Variants in SETD1A observed in about 807,000 individuals in gnomAD.
SETD1A encodes the protein histone-lysine N-methyltransferase SETD1A.
SETD1A carries 29 observed loss-of-function variants against 149.9 expected under a neutral mutation model. The observed-to-expected ratio is 0.19, with a 90% CI of 0.14 to 0.26. The LOEUF (loss-of-function observed/expected upper bound fraction) is 0.26, where lower values mean the gene tolerates loss of function less well. Among genes scored for constraint, SETD1A ranks in the 10% least tolerant of loss-of-function variants. The probability of loss-of-function intolerance (pLI) is 1.00; values close to 1 mark genes in which losing one functional copy is unlikely to be tolerated. For missense variants in SETD1A, 2,109 were observed against 2,353.1 expected (o/e 0.90, Z 2.15); for synonymous variants, 1,141 against 968.5 (o/e 1.18, Z -3.31).
chr16:30,983,592 A>G lies in SETD1A; in HGVS notation c.4813-43A>G, dbSNP rs2056412056. ...GCTGGCAGGCGTGCTCAGGGGCAGG[A>G]AGTGGGGGACTCTTCCCTGACCATC... On this transcript the variant is annotated intron_variant, in intron 17 of 18. Transcript: ENST00000262519. The surrounding 1 kb of genome is among the most constrained non-coding windows in gnomAD (Gnocchi z 6.8). 6.3e-7 allele frequency: 1 copy of G among 1,592,496 alleles called. No individual in the cohort carries two copies. The highest frequency in any genetic ancestry group is 1.3e-5 in the African/African-American group (1 of 74,656).
rs1440748952 is a variant in SETD1A, at chr16:30,965,586, C to T, written c.1720-15C>T. ...TCAGGCAGAAGCCTTCTGTGACCCT[C>T]TTCTGCCCCCGCAGGCTTCTCCATG... On this transcript the variant is annotated splice_polypyrimidine_tract_variant and intron_variant, in intron 7 of 18. Transcript: ENST00000262519. The T allele has an allele frequency of 9.3e-6, 15 of 1,610,734 alleles. No individual in the cohort carries two copies. Among genetic ancestry groups the T allele is most frequent in the Non-Finnish European group, 1.1e-5 (13 of 1,178,500 alleles).
At chr16:30,981,251 T>C (rs957296939) in intron 17 of SETD1A, 71 bp downstream of exon 17, 1 of 1,587,988 alleles carries the variant, frequency 6.3e-7, no homozygotes, top group African/African-American at 1.3e-5. Flanking sequence ...ACACACATGC[T>C]GTTTGTCCGG....
Position 30,979,978 on chromosome 16 carries a change from G to A in SETD1A, c.4192G>A (p.Ala1398Thr), listed in dbSNP as rs760701759. 25 of 1,511,720 alleles carry A rather than the reference G, an allele frequency of 1.7e-5. No individual in the cohort carries two copies. Among genetic ancestry groups the A allele is most frequent in the African/African-American group, 1.3e-4 (9 of 70,250 alleles). 93.6% of individuals were successfully genotyped at this position (1,511,720 alleles called of 1,614,324 possible). ...ALRRRSLRSH[A>T]RRRRPPPPPP... ...CCGGAGGCGCAGCCTCCGCTCCCACGCCCGGCGCCGCCGCCCTCCGCCCCC... is the reference window on the plus strand; with the variant it reads ...CCGGAGGCGCAGCCTCCGCTCCCACACCCGGCGCCGCCGCCCTCCGCCCCC... Residue 1398 changes from alanine to threonine, a missense_variant, in exon 14 of 19, where the codon GCC becomes ACC. Coordinates refer to ENST00000262519, the MANE Select transcript of SETD1A (RefSeq NM_014712.3).
At position 30,979,377 on chromosome 16, in the gene SETD1A, C is replaced by T. The variant is rs2056331791; in HGVS notation, c.3591C>T (p.Arg1197=). ...PQAKFPGPAS[R]KAPRGVERTI... ...CCAAGTTTCCCGGCCCAGCCTCCCG[C>T]AAGGCTCCCCGGGGCGTGGAGCGGA... Residue 1197 remains arginine, a synonymous_variant, in exon 14 of 19, where the codon CGC becomes CGT. Coordinates refer to ENST00000262519, the MANE Select transcript of SETD1A (RefSeq NM_014712.3). The T allele has an allele frequency of 6.2e-7, 1 of 1,612,446 alleles. No homozygotes were observed. The highest frequency in any genetic ancestry group is 1.3e-5 in the African/African-American group (1 of 74,924).
intron 13 of SETD1A, among the ~76,000 whole-genome samples, chr16:30,976,759 G>A (rs1202048049): frequency 6.6e-6 from 1 of 152,084 alleles, no homozygotes; most frequent in African/African-American, 2.4e-5. Flanking sequence ...CACTGGAGAT[G>A]CAAGAATCCA....
chr16:30,964,354 C>A (rs375046623), intron 6 of SETD1A, 31 bp downstream of exon 6: 369 of 1,561,280 alleles, frequency 2.4e-4, no homozygotes, highest in Non-Finnish European at 2.9e-4. Context: ...GGGGCCCCGC[C>A]CGCAAAGTCT....
chr16:30,982,894 G>A (rs1028022655), intron 17 of SETD1A, among the ~76,000 whole-genome samples: 2 of 152,202 alleles, frequency 1.3e-5, no homozygotes, highest in Non-Finnish European at 2.9e-5. Context: ...GAGTATGATG[G>A]GAGGGCCAGT....
chr16:30,970,223 C>G (rs12716978), intron 12 of SETD1A, among the ~76,000 whole-genome samples: 79,359 of 150,512 alleles, frequency 0.53, 23,231 homozygotes, highest in East Asian at 0.91. Flanking sequence ...CCCACCTCAG[C>G]CTCTGGAAGT....
At chr16:30,981,315 C>A in intron 17 of SETD1A, 135 bp downstream of exon 17, 1 of 1,145,308 alleles carries the variant, frequency 8.7e-7, no homozygotes, top group Non-Finnish European at 1.2e-6. Flanking sequence ...GACCAGCCTC[C>A]CTCCGGTGTG....
At chr16:30,960,005 G>C (rs1367558195) in intron 3 of SETD1A, among the ~76,000 whole-genome samples, 2 of 151,952 alleles carry the variant, frequency 1.3e-5, no homozygotes, top group Non-Finnish European at 2.9e-5. Context: ...CAGTACCATC[G>C]ACTCAGCTGT....
At position 30,964,630 on chromosome 16, in the gene SETD1A, C is replaced by T. The variant is rs749647187; in HGVS notation, c.888C>T (p.Phe296=). ...AYSSSTTSTS[F]KPRRSENSYQ... is the part of the protein sequence containing the mutation. ...TCTCCAGCACCACTTCAACCTCCTT[C>T]AAGCCCCGGCGGTCAGAGAACAGCT... Residue 296 remains phenylalanine (F), a synonymous_variant, in exon 7 of 19, where the codon TTC becomes TTT. Transcript: ENST00000262519. 3.0e-5 allele frequency: 48 copies of T among 1,613,214 alleles called. No individual in the cohort carries two copies. The highest frequency in any genetic ancestry group is 4.0e-5 in the Non-Finnish European group (47 of 1,179,734).
In SETD1A at chr16:30,983,132, C is replaced by T. The variant is rs2056402610; in HGVS notation, c.4813-503C>T. ...GAGGAGGGCGTGCAGAGGCTCCTCA[C>T]TGTCTTCTGGGAAGTAAGGGTTGCT... On this transcript the variant is annotated intron_variant, in intron 17 of 18. Coordinates refer to ENST00000262519, the MANE Select transcript of SETD1A (RefSeq NM_014712.3). The surrounding 1 kb of genome is among the most constrained non-coding windows in gnomAD (Gnocchi z 6.8). Among the ~76,000 whole-genome samples the T allele has an allele frequency of 2.6e-5, 4 of 152,154 alleles. No homozygotes were observed. In the South Asian group the frequency reaches 8.3e-4, roughly 32 times the overall value.
At chr16:30,969,247 A>G in intron 10 of SETD1A, 58 bp from the exon 11 acceptor site, 1 of 1,543,358 alleles carries the variant, frequency 6.5e-7, no homozygotes, top group Non-Finnish European at 8.8e-7. Context: ...CCCCTTGCAC[A>G]GGGCAAGTAT....
At chr16:30,958,985 C>T in intron 2 of SETD1A, 104 bp downstream of exon 2, 10 of 1,474,560 alleles carry the variant, frequency 6.8e-6, no homozygotes, top group Non-Finnish European at 8.5e-6. Context: ...TGAAAGTGGG[C>T]AGTTGGACCC....
At position 30,979,181 on chromosome 16, in the gene SETD1A, G is replaced by C. The variant is rs775405326; in HGVS notation, c.3395G>C (p.Arg1132Pro). Residue 1132 changes from arginine (R) to proline (P), a missense_variant, in exon 14 of 19, where the codon CGT becomes CCT. Physicochemically the swap from Arg to Pro is moderately radical, Grantham distance 103 (BLOSUM62 -2). Around this residue, in one of 8 missense-constraint regions of SETD1A, gnomAD observed 832 missense variants for 815.6 expected, o/e 1.02. Transcript: ENST00000262519. ...GAGTCACCCCCCAGTGCGCCTCTGC[G>C]TCCCCCAGAACCACCTGCTGGGCCC... is the stretch of plus-strand genomic sequence containing the variant. ...TEESPPSAPL[R>P]PPEPPAGPPA... 1 of 1,586,810 alleles carries C rather than the reference G, an allele frequency of 6.3e-7. No individual in the cohort carries two copies. The highest frequency in any genetic ancestry group is 8.6e-7 in the Non-Finnish European group (1 of 1,167,136).
rs1381613965 is a variant in SETD1A, at chr16:30,984,069, G to A, written c.*46G>A. On this transcript the variant is annotated 3_prime_UTR_variant, in exon 19 of 19. Coordinates refer to ENST00000262519, the MANE Select transcript of SETD1A (RefSeq NM_014712.3). ...CACACCCCTATTTATTCCCCCTGGT[G>A]CCCTGAGCTCCCAGCACCCCCCCAG... is the stretch of plus-strand genomic sequence containing the variant. 3.9e-6 allele frequency: 6 copies of A among 1,551,686 alleles called. No individual in the cohort carries two copies. The highest frequency in any genetic ancestry group is 1.2e-5 in the South Asian group (1 of 83,406).
Position 30,979,657 on chromosome 16 carries a change from C to G in SETD1A, c.3871C>G (p.Pro1291Ala). ...ETSDEAERPRPLLSHILLEHN... is the reference protein window; with the variant it reads ...ETSDEAERPRALLSHILLEHN... ...ATCGGACGAGGCCGAGCGCCCTAGGCCCCTGCTCAGCCACATCCTCCTGGA... is the reference window on the plus strand; with the variant it reads ...ATCGGACGAGGCCGAGCGCCCTAGGGCCCTGCTCAGCCACATCCTCCTGGA... Residue 1291 changes from proline (P) to alanine (A), a missense_variant, in exon 14 of 19, where the codon CCC (proline) becomes GCC (alanine). Physicochemically the swap from Pro to Ala is conservative, Grantham distance 27. This residue lies in a region of SETD1A where 832 missense variants were observed against 815.6 expected (regional missense o/e 1.02). Transcript: ENST00000262519. 1 of 1,609,498 alleles carries G rather than the reference C, an allele frequency of 6.2e-7. No homozygotes were observed. The highest frequency in any genetic ancestry group is 8.5e-7 in the Non-Finnish European group (1 of 1,179,706).
At chr16:30,971,795 T>C (rs938368538) in intron 13 of SETD1A, 76 bp downstream of exon 13, 7 of 1,483,238 alleles carry the variant, frequency 4.7e-6, no homozygotes, top group Non-Finnish European at 6.3e-6. Context: ...CTTGCATTTA[T>C]TGTGTACAAG....
At position 30,966,010 on chromosome 16, in the gene SETD1A, C is replaced by A; in HGVS notation, c.2129C>A (p.Ala710Asp). The change falls in exon 8 of 19, where the codon GCC becomes GAC. Residue 710 changes from alanine to aspartate, a missense_variant. Ala to Asp is a moderately radical substitution (Grantham distance 126, BLOSUM62 -2). This residue lies in a region of SETD1A where 431 missense variants were observed against 388.6 expected (regional missense o/e 1.11). Coordinates refer to ENST00000262519, the MANE Select transcript of SETD1A (RefSeq NM_014712.3). ...IAASAGPPGG[A>D]FGEAFLPFPP... Reference sequence around the variant, plus strand: ...GCCTCAGCTGGCCCCCCCGGTGGGGCCTTTGGGGAGGCCTTCCTCCCGTTT... The same window carrying A: ...GCCTCAGCTGGCCCCCCCGGTGGGGACTTTGGGGAGGCCTTCCTCCCGTTT... 5 of 1,570,226 alleles carry A rather than the reference C, an allele frequency of 3.2e-6. No homozygotes were observed. Among genetic ancestry groups the A allele is most frequent in the Non-Finnish European group, 3.5e-6 (4 of 1,158,348 alleles).
Sources: gnomAD v4.1 joint callset for allele counts (sites outside exome capture counted in the v4.1 genomes callset) on GRCh38, gnomAD v4.1.1 for gene constraint, gnomAD v4.1.1 regional missense constraint, Gnocchi (gnomAD v3.1) non-coding constraint, MANE v1.5 for transcripts, NCBI Gene and HGNC (gene_info 2026-07-23, HGNC 2026-07-21) for gene names.